The following SYCP3 variants were observed in gnomAD, a reference collection of about 807,000 sequenced individuals.
SYCP3 encodes the protein synaptonemal complex protein 3.
In SYCP3, 29 loss-of-function variants were observed where a neutral mutation model predicts 38.5. That is an observed-to-expected ratio of 0.75 (90% confidence interval 0.56 to 1.03). The LOEUF (loss-of-function observed/expected upper bound fraction) is 1.03. Among genes scored for constraint, SYCP3 ranks in the 50% least tolerant of loss-of-function variants. SYCP3 has a pLI of 0.00. For synonymous variants in SYCP3, 79 were observed against 80.3 expected, an observed-to-expected ratio of 0.98 and a Z score of 0.08; for missense variants, 242 against 270.7, an observed-to-expected ratio of 0.89 and a Z score of 0.74.
chr12:101,736,683 T>C (rs921280541), intron 4 of SYCP3, among the ~76,000 whole-genome samples: 2 of 146,508 alleles, frequency 1.4e-5, no homozygotes, highest in Admixed American at 6.9e-5. Context: ...GAAAAACTTA[T>C]ATACAAATAT....
In SYCP3 at chr12:101,739,374, G is replaced by T; in HGVS notation, c.-41C>A. 2 of 1,002,856 alleles carry T rather than the reference G, an allele frequency of 2.0e-6. No homozygotes were observed. The highest frequency in any genetic ancestry group is 1.2e-6 in the Non-Finnish European group (1 of 830,386). The allele number at this position is 1,002,856 out of a possible 1,614,324, so 62.1% of individuals were successfully genotyped here. A position where few individuals can be genotyped will look rare whatever the true frequency, so the allele number is the denominator to read the frequency against. ...ACCTGAAACACACCGCAATGGCCGA[G>T]GACCAGTTACTGGTCGTCGACAGGC... On this transcript the variant is annotated 5_prime_UTR_variant, in exon 1 of 9. Coordinates refer to ENST00000392924, the MANE Select transcript of SYCP3 (RefSeq NM_001177949.2).
chr12:101,738,171 C>T (rs1040704437), intron 1 of SYCP3, among the ~76,000 whole-genome samples: 2 of 152,092 alleles, frequency 1.3e-5, no homozygotes, highest in African/African-American at 4.8e-5. Context: ...CGCCTGAAAT[C>T]CCAGCACTTT....
intron 4 of SYCP3, among the ~76,000 whole-genome samples, chr12:101,735,521 C>T (rs746082234): frequency 2.6e-4 from 40 of 152,060 alleles, no homozygotes; most frequent in Middle Eastern, 3.4e-3. Context: ...ATTAGCTGGG[C>T]GTGGTGGCGC....
chr12:101,737,640 A>G (rs1426104246), intron 2 of SYCP3, 163 bp downstream of exon 2: 10 of 920,516 alleles, frequency 1.1e-5, no homozygotes, highest in Non-Finnish European at 1.5e-5. Flanking sequence ...GAGAAACACA[A>G]GTACAGCTGG....
intron 4 of SYCP3, among the ~76,000 whole-genome samples, chr12:101,735,462 A>G (rs1168128982): frequency 6.6e-6 from 1 of 152,088 alleles, no homozygotes; most frequent in Non-Finnish European, 1.5e-5. Flanking sequence ...AAAGATCGAG[A>G]CCATCCTGAC....
chr12:101,729,252 C>G, intron 7 of SYCP3, 39 bp from the exon 8 acceptor site: 1 of 1,583,664 alleles, frequency 6.3e-7, no homozygotes, highest in Non-Finnish European at 8.7e-7. Flanking sequence ...CAAAGGACCA[C>G]TTTTCATCTC....
chr12:101,737,606 G>A (rs1029018019), intron 2 of SYCP3, 197 bp downstream of exon 2: 6 of 738,942 alleles, frequency 8.1e-6, no homozygotes, highest in Non-Finnish European at 1.3e-5. Context: ...CTGTAACTCC[G>A]ATACTGCAAT....
chr12:101,737,825 T>A lies in SYCP3; in HGVS notation c.111A>T (p.Gly37=), dbSNP rs1174651669. The A allele has an allele frequency of 6.2e-7, 1 of 1,614,188 alleles. No homozygotes were observed. Among genetic ancestry groups the A allele is most frequent in the Non-Finnish European group, 8.5e-7 (1 of 1,180,034 alleles). The change falls in exon 2 of 9, where the codon GGA becomes GGT. Residue 37 remains glycine (G), a synonymous_variant. Coordinates refer to ENST00000392924, the MANE Select transcript of SYCP3 (RefSeq NM_001177949.2). ...CACCTTCAATAACATCTTCCTCTGA[T>A]CCACTCAGATCTTTCTTATCTTCAG... ...FETEDKKDLS[G]SEEDVIEGKT...
chr12:101,735,853 A>T (rs964582964), intron 4 of SYCP3, among the ~76,000 whole-genome samples: 12 of 89,944 alleles, frequency 1.3e-4, no homozygotes, highest in East Asian at 5.5e-4. Flanking sequence ...AATCAATTTT[A>T]TATATATATA....
chr12:101,736,316 T>G lies in SYCP3; in HGVS notation c.235+721A>C, dbSNP rs540798115. On this transcript the variant is annotated intron_variant, in intron 4 of 8. Transcript: ENST00000392924. Reference sequence around the variant, plus strand: ...GTAGCTGCACTATTACATAAATATTTTATACTTTCAGTATTATCTATAATA... The same window carrying G: ...GTAGCTGCACTATTACATAAATATTGTATACTTTCAGTATTATCTATAATA... 1.4e-3 allele frequency among the ~76,000 whole-genome samples: 208 copies of G among 152,254 alleles called. 2 individuals carry two copies. The highest frequency in any genetic ancestry group is 4.6e-3 in the African/African-American group (193 of 41,566).
intron 4 of SYCP3, among the ~76,000 whole-genome samples, chr12:101,735,869 A>ATTTTTTTT: frequency 1.7e-5 from 1 of 60,112 alleles, no homozygotes; most frequent in East Asian, 1.0e-3. Flanking sequence ...ATATATATAT[A>ATTTTTTTT]TATTTTTTTT....
chr12:101,738,995 C>A (rs1360562322), intron 1 of SYCP3, among the ~76,000 whole-genome samples: 1 of 152,232 alleles, frequency 6.6e-6, no homozygotes, highest in Non-Finnish European at 1.5e-5. Flanking sequence ...ATTTAGGTCT[C>A]GGAAAATGAA....
At chr12:101,730,370 AATCTT>A in intron 7 of SYCP3, among the ~76,000 whole-genome samples, 1 of 152,302 alleles carries the variant, frequency 6.6e-6, no homozygotes. Context: ...ATTTAGAAGA[AATCTT>A]TATCTAGTAC....
Position 101,739,404 on chromosome 12 carries a change from T to G in SYCP3, c.-71A>C, listed in dbSNP as rs1057014345. ...AGTTACTGGTCGTCGACAGGCGTCC[T>G]CCACAACTCCTCCACAAGCGCGCTT... On this transcript the variant is annotated 5_prime_UTR_variant, in exon 1 of 9. Transcript: ENST00000392924. The G allele has an allele frequency of 4.0e-6, 4 of 1,002,614 alleles. No homozygotes were observed. Among genetic ancestry groups the G allele is most frequent in the Non-Finnish European group, 4.8e-6 (4 of 830,344 alleles). The allele number at this position is 1,002,614 out of a possible 1,614,324, so 62.1% of individuals were successfully genotyped here.
At chr12:101,731,706 T>C in intron 6 of SYCP3, 40 bp from the exon 7 acceptor site, 1 of 1,420,262 alleles carries the variant, frequency 7.0e-7, no homozygotes, top group South Asian at 1.3e-5. Flanking sequence ...AATAACAATT[T>C]GGGTAAAATT....
chr12:101,735,006 GTC>G lies in SYCP3; in HGVS notation c.272_273del (p.Arg91ThrfsTer12). 2 of 1,613,116 alleles carry G rather than the reference GTC, an allele frequency of 1.2e-6. No individual in the cohort carries two copies. Among genetic ancestry groups the G allele is most frequent in the Non-Finnish European group, 1.7e-6 (2 of 1,179,436 alleles). On this transcript the variant is annotated frameshift_variant, in exon 5 of 9. Coordinates refer to ENST00000392924, the MANE Select transcript of SYCP3 (RefSeq NM_001177949.2). LOFTEE classifies it high-confidence loss of function. ...AGAGAAGCCTTGGTATACATTTCTA[GTC>G]TCTTTCTCTTGGCAAGAAGAGCCTT... ...INKALLAKRK[R>X]LEMYTKASLK... is the part of the protein sequence containing the mutation.
rs538377973 is a variant in SYCP3 at position 101,734,644 on chromosome 12, A to G, written c.353+283T>C. ...AGAGTCTCACTCTGTTGCCCAGGCT[A>G]GAGTGCAGTGTCACGACCTTGGCTC... is the stretch of plus-strand genomic sequence containing the variant. On this transcript the variant is annotated intron_variant, in intron 5 of 8. Transcript: ENST00000392924. Among the ~76,000 whole-genome samples the G allele has an allele frequency of 5.9e-4, 90 of 152,178 alleles. 1 individual carries two copies. In the Middle Eastern group the frequency reaches 0.014, roughly 23 times the overall value.
chr12:101,737,896 T>TC lies in SYCP3; in HGVS notation c.39dup (p.Lys14GlufsTer13), dbSNP rs774076666. On this transcript the variant is annotated frameshift_variant, in exon 2 of 9. Transcript: ENST00000392924. LOFTEE classifies it high-confidence loss of function. ...GTAAACTGATCTTCCACAGACGGCT[T>TC]CCCAGATTTCCTGGAATACTTTTTT... 6.2e-7 allele frequency: 1 copy of TC among 1,614,228 alleles called. No individual in the cohort carries two copies. Among genetic ancestry groups the TC allele is most frequent in the Non-Finnish European group, 8.5e-7 (1 of 1,180,034 alleles).
chr12:101,733,374 C>T, intron 6 of SYCP3: 2 of 520,660 alleles, frequency 3.8e-6, no homozygotes, highest in Non-Finnish European at 3.4e-6. Flanking sequence ...CTTGGAAATG[C>T]AGGAACCCCA....
Sources: allele counts gnomAD v4.1 joint callset (sites outside exome capture counted in the v4.1 genomes callset), GRCh38; gene constraint gnomAD v4.1.1; transcripts MANE v1.5; gene names NCBI Gene and HGNC (gene_info 2026-07-23, HGNC 2026-07-21).